EXT1: variants seen among roughly 807,000 people sequenced by gnomAD.
The protein encoded by EXT1 is exostosin-1.
A neutral mutation model predicts 82.5 loss-of-function variants in EXT1; 20 were observed. The ratio of observed to expected loss-of-function variants is 0.24; its 90% CI spans 0.17 to 0.35. The LOEUF is 0.35. Among genes scored for constraint, EXT1 ranks in the 10% least tolerant of loss-of-function variants. The probability of loss-of-function intolerance (pLI) is 1.00; values close to 1 mark genes in which losing one functional copy is unlikely to be tolerated. For synonymous variants in EXT1, 348 were observed against 350.8 expected, an observed-to-expected ratio of 0.99 and a Z score of 0.09; for missense variants, 757 against 936.5, an observed-to-expected ratio of 0.81 and a Z score of 2.50.
At chr8:117,986,762 G>T (rs1815330014) in intron 1 of EXT1, among the ~76,000 whole-genome samples, 1 of 152,186 alleles carries the variant, frequency 6.6e-6, no homozygotes, top group African/African-American at 2.4e-5. Context: ...CCATAGCATG[G>T]AAACATTTGC....
At chr8:118,105,379 G>A (rs966287284) in intron 1 of EXT1, among the ~76,000 whole-genome samples, 5 of 152,306 alleles carry the variant, frequency 3.3e-5, no homozygotes, top group South Asian at 2.1e-4. Context: ...GCCATTATTC[G>A]TAGAGTAAAA....
intron 3 of EXT1, among the ~76,000 whole-genome samples, chr8:117,833,229 G>A (rs1488010277): frequency 6.6e-6 from 1 of 152,180 alleles, no homozygotes; most frequent in Non-Finnish European, 1.5e-5. Flanking sequence ...GCAAGTCTGG[G>A]TGGGTGGGGG....
chr8:117,814,245 G>A (rs867430617), intron 7 of EXT1, among the ~76,000 whole-genome samples: 2,450 of 151,658 alleles, frequency 0.016, 58 homozygotes, highest in African/African-American at 0.055. Flanking sequence ...GTGTGTGTGT[G>A]TGTGTGTGTG....
intron 7 of EXT1, among the ~76,000 whole-genome samples, chr8:117,813,426 T>G (rs1046855529): frequency 6.6e-6 from 1 of 152,274 alleles, no homozygotes; most frequent in Admixed American, 6.5e-5. Context: ...AGACAAGACT[T>G]GGCAGATGCA....
At chr8:117,930,641 A>G (rs1420524944) in intron 1 of EXT1, among the ~76,000 whole-genome samples, 1 of 152,236 alleles carries the variant, frequency 6.6e-6, no homozygotes, top group Non-Finnish European at 1.5e-5. Context: ...ACAAGTTGAC[A>G]AAGTCCTTTC....
At chr8:118,054,985 G>A (rs764724404) in intron 1 of EXT1, among the ~76,000 whole-genome samples, 2 of 151,532 alleles carry the variant, frequency 1.3e-5, no homozygotes, top group Admixed American at 1.3e-4. Context: ...TTTTTTAACA[G>A]CTTTATGGAG....
intron 1 of EXT1, among the ~76,000 whole-genome samples, chr8:118,107,145 CATTTGTATATACTCTAT>C (rs574039912): frequency 3.2e-4 from 49 of 152,200 alleles, no homozygotes; most frequent in Non-Finnish European, 4.6e-4. Context: ...TTAGTTGAAA[CATTTGTATATACTCTAT>C]ATTTGTATAT....
At chr8:117,880,950 T>C (rs779139861) in intron 1 of EXT1, among the ~76,000 whole-genome samples, 7 of 152,214 alleles carry the variant, frequency 4.6e-5, no homozygotes, top group Non-Finnish European at 8.8e-5. Context: ...TTAACCTTTT[T>C]AGGATTTTTT....
At chr8:118,004,544 G>A (rs1379625150) in intron 1 of EXT1, among the ~76,000 whole-genome samples, 1 of 152,186 alleles carries the variant, frequency 6.6e-6, no homozygotes, top group Non-Finnish European at 1.5e-5. Context: ...GGAAACCAAA[G>A]AGGGAGCACA....
chr8:118,081,002 A>G (rs1360741537), intron 1 of EXT1, among the ~76,000 whole-genome samples: 1 of 152,216 alleles, frequency 6.6e-6, no homozygotes, highest in Non-Finnish European at 1.5e-5. Context: ...AATGGATAAT[A>G]AAACTAGTTA....
At chr8:117,990,766 G>A (rs750209196) in intron 1 of EXT1, among the ~76,000 whole-genome samples, 20 of 152,124 alleles carry the variant, frequency 1.3e-4, no homozygotes, top group Non-Finnish European at 2.8e-4. Flanking sequence ...CCAAGTAACT[G>A]CCCAGTTTGC....
At chr8:117,995,430 T>C (rs1004224668) in intron 1 of EXT1, among the ~76,000 whole-genome samples, 2 of 152,218 alleles carry the variant, frequency 1.3e-5, no homozygotes, top group African/African-American at 4.8e-5. Context: ...TATGGATTTT[T>C]CTGGATTGGT....
chr8:118,061,631 G>A (rs1376749145), intron 1 of EXT1, among the ~76,000 whole-genome samples: 1 of 152,172 alleles, frequency 6.6e-6, no homozygotes, highest in African/African-American at 2.4e-5. Flanking sequence ...AAACTGGTGA[G>A]GTCCTGTGGT....
intron 1 of EXT1, among the ~76,000 whole-genome samples, chr8:118,107,106 T>C (rs1817814505): frequency 6.6e-6 from 1 of 152,200 alleles, no homozygotes; most frequent in South Asian, 2.1e-4. Flanking sequence ...CGACACATAA[T>C]ATTCTATTTC....
At chr8:117,946,657 G>A (rs776221973) in intron 1 of EXT1, among the ~76,000 whole-genome samples, 14 of 152,176 alleles carry the variant, frequency 9.2e-5, no homozygotes, top group Non-Finnish European at 1.8e-4. Flanking sequence ...GACCAGTCGT[G>A]GGCTCCTAGC....
intron 1 of EXT1, among the ~76,000 whole-genome samples, chr8:118,073,633 AG>A (rs1269324964): frequency 1.2e-4 from 1 of 8,694 alleles, no homozygotes; most frequent in Middle Eastern, 0.062. Flanking sequence ...GAGAAGAGAA[AG>A]AAGAGAAGAG....
chr8:118,074,427 A>AG (rs1473039161), intron 1 of EXT1, among the ~76,000 whole-genome samples: 18 of 152,322 alleles, frequency 1.2e-4, no homozygotes, highest in African/African-American at 4.3e-4. Context: ...TTCAAAGGAA[A>AG]GGACCGTCTG....
chr8:117,839,632 T>C (rs982185485), intron 1 of EXT1, among the ~76,000 whole-genome samples: 1 of 152,196 alleles, frequency 6.6e-6, no homozygotes, highest in Non-Finnish European at 1.5e-5. Flanking sequence ...CTCTGGACAG[T>C]CAATCTATGA....
intron 1 of EXT1, among the ~76,000 whole-genome samples, chr8:117,960,222 C>CATAA (rs1428040430): frequency 1.7e-4 from 26 of 152,004 alleles, no homozygotes; most frequent in African/African-American, 5.6e-4. Flanking sequence ...AAAATAAATA[C>CATAA]ATAAATAAAT....
Sources: allele counts gnomAD v4.1 joint callset (sites outside exome capture counted in the v4.1 genomes callset), GRCh38; gene constraint gnomAD v4.1.1; transcripts MANE v1.5; gene names NCBI Gene and HGNC (gene_info 2026-07-23, HGNC 2026-07-21).